Variants in RHOD observed in about 807,000 individuals in gnomAD.
RHOD encodes the protein ras homolog family member D.
A neutral mutation model predicts 16.7 loss-of-function variants in RHOD; 11 were observed. The observed-to-expected ratio is 0.66, with a 90% CI of 0.41 to 1.09. The LOEUF (loss-of-function observed/expected upper bound fraction) is 1.09. Among genes scored for constraint, RHOD ranks in the 50% least tolerant of loss-of-function variants. The pLI, the probability that RHOD is intolerant of heterozygous loss-of-function variation, is 0.00. For synonymous variants in RHOD, 124 were observed against 126.3 expected (o/e 0.98, Z 0.12); for missense variants, 271 against 291.7 (o/e 0.93, Z 0.52).
intron 4 of RHOD, among the ~76,000 whole-genome samples, chr11:67,070,998 C>T (rs1198121018): frequency 1.3e-5 from 2 of 152,022 alleles, no homozygotes; most frequent in African/African-American, 2.4e-5. Context: ...CTTGGGAGGC[C>T]GAGGTGGGTG....
At chr11:67,059,055 C>A (rs1366445889) in intron 1 of RHOD, among the ~76,000 whole-genome samples, 2 of 152,194 alleles carry the variant, frequency 1.3e-5, no homozygotes, top group Non-Finnish European at 2.9e-5. Flanking sequence ...ATCCCAACTT[C>A]AGAGGAGTTA....
intron 1 of RHOD, among the ~76,000 whole-genome samples, chr11:67,064,178 G>A (rs1409152549): frequency 4.0e-5 from 6 of 149,596 alleles, no homozygotes; most frequent in Non-Finnish European, 5.9e-5. Flanking sequence ...AGGCCGAGGC[G>A]GGTGGATCAC....
At chr11:67,070,666 G>T in intron 4 of RHOD, 107 bp downstream of exon 4, 1 of 1,370,832 alleles carries the variant, frequency 7.3e-7, no homozygotes, top group Admixed American at 1.9e-5. Flanking sequence ...GTAGGTCAGA[G>T]CTGCGGTCGT....
intron 2 of RHOD, 67 bp downstream of exon 2, chr11:67,066,050 C>A: frequency 1.6e-6 from 2 of 1,271,278 alleles, no homozygotes; most frequent in Non-Finnish European, 2.2e-6. Context: ...GGGACAGATT[C>A]CGCTCTGCTT....
chr11:67,068,393 G>A (rs975687958), intron 3 of RHOD, among the ~76,000 whole-genome samples: 3 of 152,160 alleles, frequency 2.0e-5, no homozygotes, highest in Admixed American at 6.5e-5. Flanking sequence ...GGAGGGCAAG[G>A]CCCCATAAGA....
In RHOD at chr11:67,061,840, G is replaced by A. The variant is rs191465478; in HGVS notation, c.133-4056G>A. On this transcript the variant is annotated intron_variant, in intron 1 of 4. Coordinates refer to ENST00000308831, the MANE Select transcript of RHOD (RefSeq NM_014578.4). ...TATATATGTGTGTGTGTGTGTGTGTGTGTGTATATATATATTAGCCAGGCG... is the reference window on the plus strand; with the variant it reads ...TATATATGTGTGTGTGTGTGTGTGTATGTGTATATATATATTAGCCAGGCG... Among the ~76,000 whole-genome samples the A allele has an allele frequency of 5.0e-3, 703 of 141,854 alleles. 10 individuals are homozygous for A. The highest frequency in any genetic ancestry group is 0.016 in the African/African-American group (617 of 37,868). 93.1% of individuals were successfully genotyped at this position (141,854 alleles called of 152,430 possible). A position where few individuals can be genotyped will look rare whatever the true frequency, so the allele number is the denominator to read the frequency against.
chr11:67,057,910 G>A (rs1305783373), intron 1 of RHOD, among the ~76,000 whole-genome samples: 1 of 152,256 alleles, frequency 6.6e-6, no homozygotes, highest in Admixed American at 6.5e-5. Context: ...CAGACTCCAC[G>A]GGCACCAGGC....
chr11:67,064,234 G>T (rs528269607), intron 1 of RHOD, among the ~76,000 whole-genome samples: 1 of 150,820 alleles, frequency 6.6e-6, no homozygotes, highest in Non-Finnish European at 1.5e-5. Context: ...GTGAAACCCC[G>T]TCTCTACTAA....
intron 1 of RHOD, among the ~76,000 whole-genome samples, chr11:67,064,714 G>T (rs1328529529): frequency 6.6e-6 from 1 of 152,142 alleles, no homozygotes; most frequent in African/African-American, 2.4e-5. Context: ...AAACATGTAG[G>T]TTAATGTTGT....
chr11:67,065,183 C>T (rs951654432), intron 1 of RHOD, among the ~76,000 whole-genome samples: 3 of 151,888 alleles, frequency 2.0e-5, no homozygotes, highest in Non-Finnish European at 4.4e-5. Context: ...TCAAGCTATT[C>T]CCCTGCCTCA....
intron 2 of RHOD, 32 bp downstream of exon 2, chr11:67,066,015 G>A: frequency 7.3e-7 from 1 of 1,364,700 alleles, no homozygotes. Context: ...AGGGTGGGAG[G>A]GGCTTCTGTG....
In RHOD at chr11:67,056,881, C is replaced by A; in HGVS notation, c.-22C>A. 7.3e-7 allele frequency: 1 copy of A among 1,377,840 alleles called. No individual in the cohort carries two copies. The highest frequency in any genetic ancestry group is 9.3e-7 in the Non-Finnish European group (1 of 1,077,152). The allele number at this position is 1,377,840 out of a possible 1,614,324, so 85.4% of individuals were successfully genotyped here. ...CTCTGCGCCGCAGCCGCCCGCCCGC[C>A]CGCTCAGCGCCCGGCCCCGGGATGA... On this transcript the variant is annotated 5_prime_UTR_variant, in exon 1 of 5. Transcript: ENST00000308831.
rs958020056 is a variant in RHOD at position 67,065,775 on chromosome 11, G to T, written c.133-121G>T. 17 of 646,750 alleles carry T rather than the reference G, an allele frequency of 2.6e-5. No homozygotes were observed. In the Admixed American group the frequency reaches 4.5e-4, roughly 17 times the overall value. 40.1% of individuals were successfully genotyped at this position (646,750 alleles called of 1,614,324 possible). On this transcript the variant is annotated intron_variant, in intron 1 of 4. Coordinates refer to ENST00000308831, the MANE Select transcript of RHOD (RefSeq NM_014578.4). ...CCACCCCAGGCAGGCCAAGGAGGAG[G>T]CTTCTCACAAACAACTACGCTCCAC... is the stretch of plus-strand genomic sequence containing the variant.
At position 67,065,925 on chromosome 11, in the gene RHOD, C is replaced by T; in HGVS notation, c.162C>T (p.Tyr54=). The change falls in exon 2 of 5, where the codon TAC becomes TAT. Residue 54 remains tyrosine, a synonymous_variant. Coordinates refer to ENST00000308831, the MANE Select transcript of RHOD (RefSeq NM_014578.4). ...ESYTPTVFER[Y]MVNLQVKGKP... is the part of the protein sequence containing the mutation. Reference sequence around the variant, plus strand: ...ACACCCCCACGGTGTTTGAGCGGTACATGGTCAACCTGCAAGTGAAAGGCA... The same window carrying T: ...ACACCCCCACGGTGTTTGAGCGGTATATGGTCAACCTGCAAGTGAAAGGCA... 5.6e-6 allele frequency: 9 copies of T among 1,609,812 alleles called. No individual in the cohort carries two copies. Among genetic ancestry groups the T allele is most frequent in the South Asian group, 1.1e-5 (1 of 91,018 alleles).
At chr11:67,065,078 CTTTTT>C (rs1209583009) in intron 1 of RHOD, among the ~76,000 whole-genome samples, 1 of 142,604 alleles carries the variant, frequency 7.0e-6, no homozygotes, top group Non-Finnish European at 1.5e-5. Flanking sequence ...GCGGTAGGGA[CTTTTT>C]TTTTTTTTTT....
chr11:67,058,249 CA>C (rs1281547524), intron 1 of RHOD, among the ~76,000 whole-genome samples: 1 of 152,244 alleles, frequency 6.6e-6, no homozygotes, highest in Non-Finnish European at 1.5e-5. Context: ...AATCTCGGCT[CA>C]CTGTAACCTC....
At chr11:67,058,177 T>C (rs1462344120) in intron 1 of RHOD, among the ~76,000 whole-genome samples, 1 of 151,946 alleles carries the variant, frequency 6.6e-6, no homozygotes, top group East Asian at 1.9e-4. Context: ...TAAAATTATT[T>C]TATTTTATTT....
rs1854817413 is a variant in RHOD, at chr11:67,056,861, C to CGCCGCA, written c.-36_-31dup. ...CTGCCCCGCGCAGTCTGGGTCTCTG[C>CGCCGCA]GCCGCAGCCGCCCGCCCGCCCGCTC... On this transcript the variant is annotated 5_prime_UTR_variant, in exon 1 of 5. Coordinates refer to ENST00000308831, the MANE Select transcript of RHOD (RefSeq NM_014578.4). 1 of 1,353,500 alleles carries CGCCGCA rather than the reference C, an allele frequency of 7.4e-7. No homozygotes were observed. Among genetic ancestry groups the CGCCGCA allele is most frequent in the Non-Finnish European group, 9.4e-7 (1 of 1,064,224 alleles). The allele number at this position is 1,353,500 out of a possible 1,614,324, so 83.8% of individuals were successfully genotyped here.
intron 1 of RHOD, among the ~76,000 whole-genome samples, chr11:67,063,664 T>C (rs1854919634): frequency 6.6e-6 from 1 of 150,768 alleles, no homozygotes; most frequent in Non-Finnish European, 1.5e-5. Flanking sequence ...CCAGGTGTGC[T>C]GGCGTGTGCT....
Sources: gnomAD v4.1 joint callset for allele counts (sites outside exome capture counted in the v4.1 genomes callset) on GRCh38, gnomAD v4.1.1 for gene constraint, MANE v1.5 for transcripts, NCBI Gene and HGNC (gene_info 2026-07-23, HGNC 2026-07-21) for gene names.